Variants in ZNF365 observed in about 807,000 individuals in gnomAD.
ZNF365 encodes the protein protein ZNF365.
In ZNF365, 22 loss-of-function variants were observed where a neutral mutation model predicts 35.0. The observed-to-expected ratio is 0.63, with a 90% CI of 0.45 to 0.90. The LOEUF (loss-of-function observed/expected upper bound fraction) is 0.90, where lower values mean the gene tolerates loss of function less well. Ranked by LOEUF, ZNF365 falls within the 40% of genes least tolerant of loss-of-function variation. The probability of loss-of-function intolerance (pLI) is 0.00; values close to 1 mark genes in which losing one functional copy is unlikely to be tolerated. For synonymous variants in ZNF365, 188 were observed against 196.2 expected (o/e 0.96, Z 0.35); for missense variants, 448 against 500.3 (o/e 0.90, Z 1.00).
At chr10:62,403,806 A>G (rs1321052411), downstream of ZNF365, among the ~76,000 whole-genome samples, 1 of 152,212 alleles carries the variant, frequency 6.6e-6, no homozygotes, top group Non-Finnish European at 1.5e-5. Context: ...GACATTCCTG[A>G]TTATCTCAGT....
intron 3 of ZNF365, among the ~76,000 whole-genome samples, chr10:62,456,430 C>T (rs1205531977): frequency 6.6e-6 from 1 of 152,126 alleles, no homozygotes; most frequent in Admixed American, 6.5e-5. Flanking sequence ...GTACGCCACT[C>T]CCCCACCCCT....
intron 3 of ZNF365, among the ~76,000 whole-genome samples, chr10:62,439,479 G>A (rs545897530): frequency 6.6e-6 from 1 of 151,976 alleles, no homozygotes; most frequent in East Asian, 1.9e-4. Flanking sequence ...GCTCGGTTTA[G>A]CCAATGAAGC....
chr10:62,447,536 G>A (rs975858824), intron 3 of ZNF365, among the ~76,000 whole-genome samples: 7 of 152,056 alleles, frequency 4.6e-5, no homozygotes, highest in African/African-American at 9.7e-5. Flanking sequence ...GAGAAAAGTC[G>A]GATTCCATTG....
At chr10:62,427,505 A>G (rs1273198864) in intron 3 of ZNF365, among the ~76,000 whole-genome samples, 1 of 152,160 alleles carries the variant, frequency 6.6e-6, no homozygotes, top group Non-Finnish European at 1.5e-5. Flanking sequence ...CATTTCTTGG[A>G]ATGTATCCCT....
At chr10:62,398,551 C>G (rs550377481) in intron 3 of ZNF365, among the ~76,000 whole-genome samples, 189 bp from the exon 4 acceptor site, 2 of 152,208 alleles carry the variant, frequency 1.3e-5, no homozygotes, top group African/African-American at 4.8e-5. Context: ...CTGGAGTAAG[C>G]AAGCAAAGGC....
At chr10:62,467,853 T>C (rs891737156) in intron 4 of ZNF365, among the ~76,000 whole-genome samples, 1 of 152,190 alleles carries the variant, frequency 6.6e-6, no homozygotes, top group Non-Finnish European at 1.5e-5. Context: ...ACTCAGCTGC[T>C]CAGTCTTTGG....
Position 62,401,295 on chromosome 10 carries a change from A to G in ZNF365, c.*1506A>G, listed in dbSNP as rs1207662731. On this transcript the variant is annotated 3_prime_UTR_variant, in exon 5 of 5. Coordinates refer to ENST00000395254, the MANE Select transcript of ZNF365 (RefSeq NM_014951.3). ...CTCTTATTTAAAAAATCAAAACTGT[A>G]ACGTAATTAACATTGGCAGAATTAT... is the stretch of plus-strand genomic sequence containing the variant. 18 of 985,370 alleles carry G rather than the reference A, an allele frequency of 1.8e-5. No individual in the cohort carries two copies. The Admixed American group carries it at 1.1e-3, about 61-fold the overall frequency. The allele number at this position is 985,370 out of a possible 1,614,324, so 61.0% of individuals were successfully genotyped here.
At chr10:62,433,196 A>G (rs1243284081) in intron 3 of ZNF365, among the ~76,000 whole-genome samples, 1 of 152,232 alleles carries the variant, frequency 6.6e-6, no homozygotes, top group Non-Finnish European at 1.5e-5. Flanking sequence ...AATAACTCCA[A>G]TAGAAGTAAT....
At chr10:62,448,491 T>C (rs1170367202) in intron 3 of ZNF365, among the ~76,000 whole-genome samples, 1 of 152,234 alleles carries the variant, frequency 6.6e-6, no homozygotes, top group Non-Finnish European at 1.5e-5. Flanking sequence ...TTGGCCCTTT[T>C]TTTATTCAGT....
At chr10:62,424,739 A>G (rs1485685346) in intron 3 of ZNF365, among the ~76,000 whole-genome samples, 1 of 152,214 alleles carries the variant, frequency 6.6e-6, no homozygotes, top group Non-Finnish European at 1.5e-5. Flanking sequence ...GCTTTATGAG[A>G]CAAATGTTCC....
Position 62,401,847 on chromosome 10 carries a change from A to G in ZNF365, c.*2058A>G, listed in dbSNP as rs1229106675. On this transcript the variant is annotated 3_prime_UTR_variant, in exon 5 of 5. Transcript: ENST00000395254. ...ACAGTGGTACCCCATGATCTTCAGA[A>G]AGTACCATAATGTCATCCTACTCTA... is the stretch of plus-strand genomic sequence containing the variant. 1 of 985,430 alleles carries G rather than the reference A, an allele frequency of 1.0e-6. No individual in the cohort carries two copies. The highest frequency in any genetic ancestry group is 1.2e-6 in the Non-Finnish European group (1 of 829,920). The allele number at this position is 985,430 out of a possible 1,614,324, so 61.0% of individuals were successfully genotyped here.
downstream of ZNF365, among the ~76,000 whole-genome samples, chr10:62,404,919 C>T (rs763188928): frequency 6.6e-6 from 1 of 152,174 alleles, no homozygotes; most frequent in Non-Finnish European, 1.5e-5. Context: ...AGATAACACG[C>T]ACCCATATTT....
intron 2 of ZNF365, among the ~76,000 whole-genome samples, chr10:62,380,984 G>A (rs1460077008): frequency 6.6e-6 from 1 of 152,186 alleles, no homozygotes; most frequent in Non-Finnish European, 1.5e-5. Context: ...GCTGTGTGAG[G>A]TGTGTGGGGG....
chr10:62,430,606 G>T (rs908249227), intron 3 of ZNF365, among the ~76,000 whole-genome samples: 14 of 152,148 alleles, frequency 9.2e-5, no homozygotes, highest in African/African-American at 2.9e-4. Flanking sequence ...AACTTAATCT[G>T]CCATAAAACT....
At chr10:62,426,625 G>A (rs964273445) in intron 3 of ZNF365, among the ~76,000 whole-genome samples, 4 of 152,126 alleles carry the variant, frequency 2.6e-5, no homozygotes, top group Non-Finnish European at 2.9e-5. Context: ...GAAGACAGGA[G>A]CAAGAGGAAG....
chr10:62,405,719 CTG>C (rs1324356732), downstream of ZNF365, among the ~76,000 whole-genome samples: 2 of 152,196 alleles, frequency 1.3e-5, no homozygotes, highest in East Asian at 3.8e-4. Flanking sequence ...AGATTGAAGT[CTG>C]TTAGATTTTA....
intron 4 of ZNF365, among the ~76,000 whole-genome samples, chr10:62,470,615 A>C (rs1437531921): frequency 6.6e-6 from 1 of 152,236 alleles, no homozygotes; most frequent in African/African-American, 2.4e-5. Context: ...ACCCACAGAA[A>C]GGTTGTTAGC....
rs551576047 is a variant in ZNF365 at position 62,474,875 on chromosome 10, C to G, written c.982-5001C>G. Reference sequence around the variant, plus strand: ...TGGTCTTGTCTCTGATTGTATGTTTCTGACATGCTTAATTTCTCTGGATCT... The same window carrying G: ...TGGTCTTGTCTCTGATTGTATGTTTGTGACATGCTTAATTTCTCTGGATCT... On this transcript the variant is annotated intron_variant, in intron 4 of 4. Coordinates refer to the ZNF365 transcript ENST00000395255. Among the ~76,000 whole-genome samples, 176 of 152,314 alleles carry G rather than the reference C, an allele frequency of 1.2e-3. No individual in the cohort carries two copies. In the Middle Eastern group the frequency reaches 0.014, roughly 12 times the overall value.
At position 62,376,285 on chromosome 10, in the gene ZNF365, G is replaced by C; in HGVS notation, c.92G>C (p.Cys31Ser). The change falls in exon 2 of 5, where the codon TGT becomes TCT. Residue 31 changes from cysteine (C) to serine (S), a missense_variant. By Grantham distance (112) the Cys-to-Ser change is moderately radical. Coordinates refer to ENST00000395254, the MANE Select transcript of ZNF365 (RefSeq NM_014951.3). ...AVCLPLRCPR[C>S]GDHTRFRSLS... ...TGCCTGCCATTACGCTGCCCGAGGT[G>C]TGGAGACCATACCAGATTTAGAAGC... The C allele has an allele frequency of 6.2e-7, 1 of 1,614,136 alleles. No individual in the cohort carries two copies. Among genetic ancestry groups the C allele is most frequent in the East Asian group, 2.2e-5 (1 of 44,884 alleles).
Sources: gnomAD v4.1 joint callset for allele counts (sites outside exome capture counted in the v4.1 genomes callset) on GRCh38, gnomAD v4.1.1 for gene constraint, MANE v1.5 for transcripts, NCBI Gene and HGNC (gene_info 2026-07-23, HGNC 2026-07-21) for gene names.